CPNE4: variants seen among roughly 807,000 people sequenced by gnomAD.
The protein encoded by CPNE4 is copine-4.
CPNE4 carries 25 observed loss-of-function variants against 67.9 expected under a neutral mutation model. The ratio of observed to expected loss-of-function variants is 0.37; its 90% CI spans 0.27 to 0.51. The LOEUF is 0.51. Among genes scored for constraint, CPNE4 ranks in the 20% least tolerant of loss-of-function variants. CPNE4 has a pLI of 0.93. For missense variants in CPNE4, 464 were observed against 690.8 expected (o/e 0.67, Z 3.68); for synonymous variants, 242 against 244.9 (o/e 0.99, Z 0.11).
intron 1 of CPNE4, among the ~76,000 whole-genome samples, chr3:131,940,860 A>G (rs1176050130): frequency 1.3e-5 from 2 of 152,094 alleles, no homozygotes; most frequent in African/African-American, 4.8e-5. Flanking sequence ...TAGCAGAATA[A>G]TAGTAAGTAA....
At chr3:131,862,271 T>C (rs1412387048) in intron 2 of CPNE4, among the ~76,000 whole-genome samples, 1 of 152,160 alleles carries the variant, frequency 6.6e-6, no homozygotes, top group African/African-American at 2.4e-5. Flanking sequence ...CAATATTTCC[T>C]GGTACAAAAT....
intron 1 of CPNE4, among the ~76,000 whole-genome samples, chr3:131,940,051 A>C (rs1311976365): frequency 6.6e-6 from 1 of 152,080 alleles, no homozygotes; most frequent in Non-Finnish European, 1.5e-5. Context: ...GTTTGTGTGC[A>C]TTTTTGTGTA....
chr3:131,783,086 C>T (rs1451327522), intron 2 of CPNE4, among the ~76,000 whole-genome samples: 1 of 151,864 alleles, frequency 6.6e-6, no homozygotes, highest in East Asian at 1.9e-4. Flanking sequence ...GTGTGAGTAC[C>T]CATAAAAAGA....
chr3:132,021,782 T>C (rs550088413), intron 1 of CPNE4, among the ~76,000 whole-genome samples: 2 of 152,280 alleles, frequency 1.3e-5, no homozygotes, highest in South Asian at 4.2e-4. Flanking sequence ...TAAAAATGTA[T>C]GTATAAAGGA....
Position 131,993,472 on chromosome 3 carries a change from C to CAAAAAAAAAAAAAAAAAAAAAAAAAA in CPNE4, c.-2+41094_-2+41095insTTTTTTTTTTTTTTTTTTTTTTTTTT, listed in dbSNP as rs58116331. ...ACCCTGATTTCGTGTGCAGGAGTGG[C>CAAAAAAAAAAAAAAAAAAAAAAAAAA]AAAAAAAAAAAAAAAAAGCATAGCT... On this transcript the variant is annotated intron_variant, in intron 1 of 15. Transcript: ENST00000429747. Among the ~76,000 whole-genome samples the CAAAAAAAAAAAAAAAAAAAAAAAAAA allele has an allele frequency of 3.3e-5, 2 of 60,460 alleles. 1 individual carries two copies. Among genetic ancestry groups the CAAAAAAAAAAAAAAAAAAAAAAAAAA allele is most frequent in the African/African-American group, 1.1e-4 (2 of 18,306 alleles). The allele number at this position is 60,460 out of a possible 152,430, so 39.7% of individuals were successfully genotyped here. A position where few individuals can be genotyped will look rare whatever the true frequency, so the allele number is the denominator to read the frequency against.
intron 1 of CPNE4, among the ~76,000 whole-genome samples, chr3:131,939,072 C>A (rs780615295): frequency 6.6e-6 from 1 of 152,158 alleles, no homozygotes; most frequent in Non-Finnish European, 1.5e-5. Context: ...TGCTGGGAGA[C>A]TTAGCAATAC....
At chr3:131,955,410 G>GTTTTTTTGTTTTTT (rs1553814124) in intron 1 of CPNE4, among the ~76,000 whole-genome samples, 21 of 42,272 alleles carry the variant, frequency 5.0e-4, no homozygotes, top group Non-Finnish European at 6.7e-4. Context: ...TGTATGTAAG[G>GTTTTTTTGTTTTTT]TTTTTTTTTT....
At chr3:131,998,060 G>A (rs73871555) in intron 1 of CPNE4, among the ~76,000 whole-genome samples, 5,877 of 152,232 alleles carry the variant, frequency 0.039, 368 homozygotes, top group African/African-American at 0.13. Context: ...TTGGGGGACA[G>A]ATTCAAACCA....
At chr3:131,602,909 T>C (rs1233393924) in intron 7 of CPNE4, among the ~76,000 whole-genome samples, 1 of 152,224 alleles carries the variant, frequency 6.6e-6, no homozygotes, top group African/African-American at 2.4e-5. Context: ...CAATTCCTAG[T>C]TAATGCATAG....
intron 8 of CPNE4, among the ~76,000 whole-genome samples, chr3:131,582,860 C>T (rs1937927610): frequency 6.6e-6 from 1 of 152,182 alleles, no homozygotes; most frequent in African/African-American, 2.4e-5. Flanking sequence ...GTTCTGTTGG[C>T]ACCACGTGGA....
At chr3:131,955,429 T>TTTTTTTTTTTTTTTTTTC (rs57945572) in intron 1 of CPNE4, among the ~76,000 whole-genome samples, 2 of 136,650 alleles carry the variant, frequency 1.5e-5, no homozygotes, top group African/African-American at 5.7e-5. Flanking sequence ...TTTTTTTTTT[T>TTTTTTTTTTTTTTTTTTC]TTTTTGTATG....
intron 6 of CPNE4, among the ~76,000 whole-genome samples, chr3:131,676,931 C>T (rs2080589364): frequency 6.6e-6 from 1 of 151,906 alleles, no homozygotes; most frequent in Non-Finnish European, 1.5e-5. Flanking sequence ...ATAGTTCTGT[C>T]TCGAGGTTTT....
At chr3:131,606,513 C>T (rs77483241) in intron 7 of CPNE4, among the ~76,000 whole-genome samples, 47 of 152,284 alleles carry the variant, frequency 3.1e-4, no homozygotes, top group African/African-American at 1.1e-3. Context: ...GATTCACACA[C>T]GTGGTTCTGG....
At chr3:131,947,142 C>T (rs1365299520) in intron 1 of CPNE4, among the ~76,000 whole-genome samples, 10 of 152,176 alleles carry the variant, frequency 6.6e-5, no homozygotes, top group Admixed American at 6.5e-4. Flanking sequence ...AGTTATTCCT[C>T]CTTTTCTCAG....
chr3:131,821,071 A>G (rs1321480871), intron 2 of CPNE4, among the ~76,000 whole-genome samples: 1 of 152,106 alleles, frequency 6.6e-6, no homozygotes, highest in East Asian at 1.9e-4. Flanking sequence ...TAATCAACAC[A>G]TGTCTCATAT....
chr3:132,030,818 C>T (rs915260871), intron 1 of CPNE4, among the ~76,000 whole-genome samples: 4 of 152,130 alleles, frequency 2.6e-5, no homozygotes. Flanking sequence ...TATATGTAGG[C>T]ACTAATATGT....
At chr3:131,700,390 C>T (rs1256753249) in intron 3 of CPNE4, among the ~76,000 whole-genome samples, 1 of 151,988 alleles carries the variant, frequency 6.6e-6, no homozygotes, top group African/African-American at 2.4e-5. Context: ...GGGAAAGGAA[C>T]TAAAGGGCTA....
At chr3:131,946,575 C>A in intron 1 of CPNE4, among the ~76,000 whole-genome samples, 1 of 152,054 alleles carries the variant, frequency 6.6e-6, no homozygotes, top group East Asian at 1.9e-4. Context: ...GTTCTTTGCA[C>A]ATTTTAAAAT....
chr3:131,618,208 G>A (rs113633237), intron 7 of CPNE4, among the ~76,000 whole-genome samples: 8,077 of 152,210 alleles, frequency 0.053, 273 homozygotes, highest in Non-Finnish European at 0.085. Context: ...GTTTGGGAAG[G>A]CAGAGGCAGC....
Sources: allele counts gnomAD v4.1 joint callset (sites outside exome capture counted in the v4.1 genomes callset), GRCh38; gene constraint gnomAD v4.1.1; transcripts MANE v1.5; gene names NCBI Gene and HGNC (gene_info 2026-07-23, HGNC 2026-07-21).